The following VCAN variants were observed in gnomAD, a reference collection of about 807,000 sequenced individuals.
VCAN encodes the protein versican core protein.
VCAN carries 44 observed loss-of-function variants against 245.5 expected under a neutral mutation model. That is an observed-to-expected ratio of 0.18 (90% CI 0.14 to 0.23). VCAN has a LOEUF of 0.23. Among genes scored for constraint, VCAN ranks in the 10% least tolerant of loss-of-function variants. The pLI, the probability that VCAN is intolerant of heterozygous loss-of-function variation, is 1.00. For synonymous variants in VCAN, 1,413 were observed against 1,437.0 expected (o/e 0.98, Z 0.38); for missense variants, 3,793 against 4,057.9 (o/e 0.93, Z 1.77).
Position 83,537,808 on chromosome 5 carries a change from C to A in VCAN, c.4805C>A (p.Thr1602Asn), listed in dbSNP as rs1386946213. 4.8e-5 allele frequency: 78 copies of A among 1,613,890 alleles called. No individual in the cohort carries two copies. In the East Asian group the frequency reaches 1.7e-3, roughly 35 times the overall value. ...SAYVSEEEAV[T>N]LIGNPWPDDL... Reference sequence around the variant, plus strand: ...TATGTTTCAGAGGAAGAAGCAGTTACCCTAATAGGAAATCCTTGGCCAGAT... The same window carrying A: ...TATGTTTCAGAGGAAGAAGCAGTTAACCTAATAGGAAATCCTTGGCCAGAT... Residue 1602 changes from threonine (T) to asparagine (N), a missense_variant, in exon 8 of 15, where the codon ACC (threonine) becomes AAC (asparagine). Physicochemically the swap from Thr to Asn is moderately conservative, Grantham distance 65 (BLOSUM62 0). This residue lies in a region of VCAN where 3,182 missense variants were observed against 3,250.3 expected (regional missense o/e 0.98). Transcript: ENST00000265077.
chr5:83,569,157 G>T (rs537565977), intron 12 of VCAN, among the ~76,000 whole-genome samples: 27 of 152,136 alleles, frequency 1.8e-4, no homozygotes, highest in Non-Finnish European at 3.4e-4. Context: ...CATATAAAAT[G>T]TCATTCACAT....
chr5:83,520,318 T>C lies in VCAN; in HGVS notation c.2012T>C (p.Val671Ala), dbSNP rs1746031630. 6.2e-7 allele frequency: 1 copy of C among 1,613,734 alleles called. No homozygotes were observed. Among genetic ancestry groups the C allele is most frequent in the South Asian group, 1.1e-5 (1 of 91,060 alleles). Residue 671 changes from valine (V) to alanine (A), a missense_variant, in exon 7 of 15, where the codon GTT (valine) becomes GCT (alanine). Physicochemically the swap from Val to Ala is moderately conservative, Grantham distance 64. Coordinates refer to ENST00000265077, the MANE Select transcript of VCAN (RefSeq NM_004385.5). ...ATATTAGTAGAGGGAATTTCCACAG[T>C]TATTTATCCTTCTCTACAAACAGAA... ...DKILVEGISTVIYPSLQTEMT... is the reference protein window; with the variant it reads ...DKILVEGISTAIYPSLQTEMT...
intron 12 of VCAN, among the ~76,000 whole-genome samples, chr5:83,560,513 C>G (rs3911458): frequency 0.094 from 14,285 of 152,056 alleles, 1,770 homozygotes; most frequent in African/African-American, 0.29. Context: ...GCTGTTTATT[C>G]AAGTGCAGAG....
intron 5 of VCAN, among the ~76,000 whole-genome samples, chr5:83,501,187 A>G (rs1745320494): frequency 6.6e-6 from 1 of 152,112 alleles, no homozygotes; most frequent in African/African-American, 2.4e-5. Context: ...TGCTCTTTGT[A>G]TATTCTAGAT....
intron 7 of VCAN, among the ~76,000 whole-genome samples, chr5:83,527,669 A>G (rs1403970839): frequency 6.6e-6 from 1 of 152,232 alleles, no homozygotes; most frequent in Non-Finnish European, 1.5e-5. Flanking sequence ...AGATGCACAT[A>G]TAAACACACA....
intron 5 of VCAN, among the ~76,000 whole-genome samples, chr5:83,503,551 C>A (rs865840924): frequency 2.6e-5 from 4 of 152,206 alleles, no homozygotes; most frequent in Non-Finnish European, 4.4e-5. Context: ...GGGAGTGCTG[C>A]TCCCAAATGG....
At chr5:83,512,029 C>T (rs1745676981) in intron 5 of VCAN, 74 bp from the exon 6 acceptor site, 1 of 1,596,356 alleles carries the variant, frequency 6.3e-7, no homozygotes, top group Non-Finnish European at 8.5e-7. Context: ...CAATTCCTTC[C>T]CCACCATATT....
rs768753163 is a variant in VCAN, at chr5:83,540,351, G to A, written c.7348G>A (p.Ala2450Thr). ...ATTTCACACTTCTGCAACTACTCAG[G>A]CAACCAGACAAGAAAGCAGCACCAC... ...DSFHTSATTQ[A>T]TRQESSTTFV... The change falls in exon 8 of 15, where the codon GCA becomes ACA. Residue 2450 changes from alanine to threonine, a missense_variant. Coordinates refer to ENST00000265077, the MANE Select transcript of VCAN (RefSeq NM_004385.5). 2.6e-5 allele frequency: 42 copies of A among 1,613,886 alleles called. No homozygotes were observed. Among genetic ancestry groups the A allele is most frequent in the Non-Finnish European group, 3.3e-5 (39 of 1,179,968 alleles).
In VCAN at chr5:83,540,957, G is replaced by A. The variant is rs1211231666; in HGVS notation, c.7954G>A (p.Asp2652Asn). The A allele has an allele frequency of 1.2e-6, 2 of 1,613,964 alleles. No individual in the cohort carries two copies. The highest frequency in any genetic ancestry group is 1.7e-6 in the Non-Finnish European group (2 of 1,180,006). Residue 2652 changes from aspartate (D) to asparagine (N), a missense_variant, in exon 8 of 15, where the codon GAT becomes AAT. This residue lies in a region of VCAN where 3,182 missense variants were observed against 3,250.3 expected (regional missense o/e 0.98). Coordinates refer to ENST00000265077, the MANE Select transcript of VCAN (RefSeq NM_004385.5). Reference sequence around the variant, plus strand: ...GGCTAGCTACACTCAGGCAACACATGATGAATCAATGACTTATGAAGATAG... The same window carrying A: ...GGCTAGCTACACTCAGGCAACACATAATGAATCAATGACTTATGAAGATAG... The part of the protein sequence containing the change: ...VLASYTQATH[D>N]ESMTYEDRSQ...
intron 7 of VCAN, chr5:83,536,219 C>T (rs559092838): frequency 3.1e-4 from 47 of 152,276 alleles, no homozygotes; most frequent in African/African-American, 1.1e-3. Flanking sequence ...GAACTAAAAT[C>T]AGCCTAATCT....
intron 10 of VCAN, 81 bp from the exon 11 acceptor site, chr5:83,553,283 T>C: frequency 3.2e-6 from 5 of 1,563,820 alleles, no homozygotes; most frequent in Non-Finnish European, 4.4e-6. Flanking sequence ...CTGGCTTGGG[T>C]ATCCTACTAA....
rs1187512204 is a variant in VCAN at position 83,581,389 on chromosome 5, T to C, written c.*955T>C. 4.0e-5 allele frequency: 6 copies of C among 151,158 alleles called. No individual in the cohort carries two copies. In the South Asian group the frequency reaches 1.0e-3, roughly 26 times the overall value. 9.4% of individuals were successfully genotyped at this position (151,158 alleles called of 1,614,324 possible). ...TTTTAATCTTTTATAAAGTTTTGAA[T>C]GTTCATGTATGAATGCTGCAGCTGT... On this transcript the variant is annotated 3_prime_UTR_variant, in exon 15 of 15. Coordinates refer to ENST00000265077, the MANE Select transcript of VCAN (RefSeq NM_004385.5).
intron 13 of VCAN, among the ~76,000 whole-genome samples, chr5:83,573,472 C>T (rs1748367802): frequency 6.6e-6 from 1 of 151,860 alleles, no homozygotes; most frequent in Admixed American, 6.6e-5. Context: ...TCCTGAAAGA[C>T]ACAATCCCAA....
chr5:83,542,343 A>T (rs1747039684), intron 8 of VCAN, 75 bp downstream of exon 8: 6 of 1,464,220 alleles, frequency 4.1e-6, no homozygotes, highest in Non-Finnish European at 5.7e-6. Flanking sequence ...ATATGTATGT[A>T]ATTTTTATTG....
Position 83,574,842 on chromosome 5 carries a change from TGTTTA to T in VCAN, c.9880+2286_9880+2290del, listed in dbSNP as rs202100415. On this transcript the variant is annotated intron_variant, in intron 13 of 14. Transcript: ENST00000265077. ...TGTGTAATATAAATTTTATGAGAAT[TGTTTA>T]GTTAACATTAAACAAGAAATATTTT... Among the ~76,000 whole-genome samples the T allele has an allele frequency of 9.6e-3, 1,466 of 152,326 alleles. 22 individuals are homozygous for T. Among genetic ancestry groups the T allele is most frequent in the African/African-American group, 0.032 (1,310 of 41,578 alleles).
rs1745689488 is a variant in VCAN, at chr5:83,512,264, G to C, written c.910G>C (p.Val304Leu). 1.2e-6 allele frequency: 2 copies of C among 1,614,070 alleles called. No individual in the cohort carries two copies. The highest frequency in any genetic ancestry group is 1.7e-6 in the Non-Finnish European group (2 of 1,180,052). Residue 304 changes from valine (V) to leucine (L), a missense_variant, in exon 6 of 15, where the codon GTG becomes CTG. Val to Leu is a conservative substitution (Grantham distance 32, BLOSUM62 1). Coordinates refer to ENST00000265077, the MANE Select transcript of VCAN (RefSeq NM_004385.5). ...TTACGGGTGGCTGTCGGATGCCAGC[G>C]TGCGCCACCCTGTGACTGTGGCCAG... ...CDYGWLSDASVRHPVTVARAQ... is the reference protein window; with the variant it reads ...CDYGWLSDASLRHPVTVARAQ...
At chr5:83,505,412 A>T (rs934470943) in intron 5 of VCAN, among the ~76,000 whole-genome samples, 1 of 152,222 alleles carries the variant, frequency 6.6e-6, no homozygotes, top group Non-Finnish European at 1.5e-5. Context: ...TACAGGGCCC[A>T]TGCAAGTCCA....
chr5:83,490,399 T>C lies in VCAN; in HGVS notation c.372T>C (p.Asp124=). The C allele has an allele frequency of 6.2e-7, 1 of 1,614,200 alleles. No homozygotes were observed. Among genetic ancestry groups the C allele is most frequent in the Non-Finnish European group, 8.5e-7 (1 of 1,180,042 alleles). The change falls in exon 3 of 15, where the codon GAT becomes GAC. Residue 124 remains aspartate (D), a synonymous_variant. Coordinates refer to ENST00000265077, the MANE Select transcript of VCAN (RefSeq NM_004385.5). ...SLTVVKLLAS[D]AGLYRCDVMY... ...CTGTGGTCAAGCTGCTGGCAAGTGA[T>C]GCGGGTCTTTACCGCTGTGACGTCA... is the stretch of plus-strand genomic sequence containing the variant.
At position 83,541,750 on chromosome 5, in the gene VCAN, C is replaced by T; in HGVS notation, c.8747C>T (p.Ser2916Phe). The change falls in exon 8 of 15, where the codon TCT (serine) becomes TTT (phenylalanine). Residue 2916 changes from serine (S) to phenylalanine (F), a missense_variant. This residue lies in a region of VCAN where 3,182 missense variants were observed against 3,250.3 expected (regional missense o/e 0.98). Transcript: ENST00000265077. ...KPELLEEMEA[S>F]PTELIAVEGT... ...GAGTTATTAGAAGAAATGGAAGCTTCTCCCACAGAACTTATTGCTGTGGAA... is the reference window on the plus strand; with the variant it reads ...GAGTTATTAGAAGAAATGGAAGCTTTTCCCACAGAACTTATTGCTGTGGAA... 1 of 1,614,080 alleles carries T rather than the reference C, an allele frequency of 6.2e-7. No individual in the cohort carries two copies. The highest frequency in any genetic ancestry group is 8.5e-7 in the Non-Finnish European group (1 of 1,180,008).
Sources: gnomAD v4.1 joint callset for allele counts (sites outside exome capture counted in the v4.1 genomes callset) on GRCh38, gnomAD v4.1.1 for gene constraint, gnomAD v4.1.1 regional missense constraint, MANE v1.5 for transcripts, NCBI Gene and HGNC (gene_info 2026-07-23, HGNC 2026-07-21) for gene names.